Variants in DPP3 observed in about 807,000 individuals in gnomAD.
DPP3 encodes the protein dipeptidyl peptidase 3, also known as DPP III.
DPP3 carries 64 observed loss-of-function variants against 89.8 expected under a neutral mutation model. The ratio of observed to expected loss-of-function variants is 0.71; its 90% CI spans 0.58 to 0.88. The LOEUF (loss-of-function observed/expected upper bound fraction) is 0.88, where lower values mean the gene tolerates loss of function less well. DPP3 is among the 40% of genes least tolerant of loss of function. The pLI, the probability that DPP3 is intolerant of heterozygous loss-of-function variation, is 0.00. For synonymous variants in DPP3, 377 were observed against 404.3 expected (o/e 0.93, Z 0.81); for missense variants, 835 against 972.5 (o/e 0.86, Z 1.88).
At chr11:66,506,710 G>A (rs1855811214) in intron 17 of DPP3, among the ~76,000 whole-genome samples, 1 of 152,088 alleles carries the variant, frequency 6.6e-6, no homozygotes, top group African/African-American at 2.4e-5. Flanking sequence ...TACCCACTGA[G>A]CTGGGTCCAC....
chr11:66,493,203 C>T lies in DPP3; in HGVS notation c.1296+24C>T, dbSNP rs199892198. 8.2e-5 allele frequency: 131 copies of T among 1,598,568 alleles called. 1 individual carries two copies. The highest frequency in any genetic ancestry group is 1.7e-4 in the Middle Eastern group (1 of 6,046). On this transcript the variant is annotated intron_variant, in intron 11 of 17. Transcript: ENST00000531863. Reference sequence around the variant, plus strand: ...AGGTGGGCGCCAGCAGTCGGAGGGTCGGGGCTGGGCCTCACCTTCCTCAGC... The same window carrying T: ...AGGTGGGCGCCAGCAGTCGGAGGGTTGGGGCTGGGCCTCACCTTCCTCAGC...
At chr11:66,491,466 G>A (rs888367581) in intron 7 of DPP3, 28 bp from the exon 8 acceptor site, 15 of 1,596,524 alleles carry the variant, frequency 9.4e-6, no homozygotes, top group African/African-American at 4.0e-5. Flanking sequence ...TGGGTGGCCC[G>A]AGGCTGACCG....
chr11:66,506,558 A>G (rs961493643), intron 17 of DPP3, among the ~76,000 whole-genome samples: 2 of 151,984 alleles, frequency 1.3e-5, no homozygotes, highest in South Asian at 2.1e-4. Flanking sequence ...CCCAGCCGGA[A>G]AAAGCATTTA....
chr11:66,497,014 G>A (rs113358424), intron 15 of DPP3, among the ~76,000 whole-genome samples: 24 of 152,290 alleles, frequency 1.6e-4, no homozygotes, highest in African/African-American at 5.3e-4. Flanking sequence ...GATCACAGTG[G>A]GTGACATGGG....
intron 2 of DPP3, among the ~76,000 whole-genome samples, chr11:66,483,413 A>G (rs1590730743): frequency 6.6e-6 from 1 of 152,226 alleles, no homozygotes; most frequent in South Asian, 2.1e-4. Context: ...TTTCTTTTTT[A>G]TAGAAATGAG....
chr11:66,493,886 G>A (rs1855462660), intron 12 of DPP3, among the ~76,000 whole-genome samples: 1 of 152,134 alleles, frequency 6.6e-6, no homozygotes, highest in African/African-American at 2.4e-5. Flanking sequence ...CCTGGATGTA[G>A]AGCCTGGATG....
At chr11:66,487,490 G>C in intron 5 of DPP3, 148 bp downstream of exon 5, 1 of 831,870 alleles carries the variant, frequency 1.2e-6, no homozygotes, top group Non-Finnish European at 1.9e-6. Context: ...CCAGGCTATA[G>C]AGCCTAATGA....
chr11:66,509,590 C>A lies in DPP3; in HGVS notation c.*339C>A. ...TGACAGCTAGGGTTCAAAACGTTCT[C>A]ACCAAATCCAATGCTCCTCACATAT... On this transcript the variant is annotated 3_prime_UTR_variant, in exon 18 of 18. Coordinates refer to ENST00000531863, the MANE Select transcript of DPP3 (RefSeq NM_130443.4). 1 of 676,822 alleles carries A rather than the reference C, an allele frequency of 1.5e-6. No homozygotes were observed. Among genetic ancestry groups the A allele is most frequent in the Non-Finnish European group, 2.7e-6 (1 of 374,442 alleles). The allele number at this position is 676,822 out of a possible 1,614,324, so 41.9% of individuals were successfully genotyped here.
chr11:66,483,980 C>A (rs1402511619), intron 2 of DPP3, among the ~76,000 whole-genome samples: 1 of 146,512 alleles, frequency 6.8e-6, no homozygotes, highest in East Asian at 2.0e-4. Flanking sequence ...CAGGGAAATT[C>A]TTTTTTTTTT....
In DPP3 at chr11:66,491,739, C is replaced by T. The variant is rs371241781; in HGVS notation, c.971C>T (p.Ser324Phe). The T allele has an allele frequency of 2.5e-6, 4 of 1,612,750 alleles. No individual in the cohort carries two copies. Among genetic ancestry groups the T allele is most frequent in the African/African-American group, 1.3e-5 (1 of 74,642 alleles). Reference protein sequence around the residue: ...FIESYRDPFGSRGEFEGFVAV... With the variant: ...FIESYRDPFGFRGEFEGFVAV... ...GAGAGCTACCGCGACCCCTTTGGTT[C>T]CCGAGGAGAATTTGAAGGTAACTTC... Residue 324 changes from serine to phenylalanine, a missense_variant, in exon 9 of 18, where the codon TCC becomes TTC. Coordinates refer to ENST00000531863, the MANE Select transcript of DPP3 (RefSeq NM_130443.4).
intron 2 of DPP3, 73 bp from the exon 3 acceptor site, chr11:66,485,100 A>G (rs991251427): frequency 9.9e-6 from 14 of 1,412,360 alleles, no homozygotes; most frequent in East Asian, 6.8e-5. Context: ...GGGCATTCGC[A>G]TCTCAGGAGG....
Position 66,485,231 on chromosome 11 carries a change from G to C in DPP3, c.329G>C (p.Gly110Ala), listed in dbSNP as rs1855193535. 1.9e-6 allele frequency: 3 copies of C among 1,614,014 alleles called. No homozygotes were observed. The highest frequency in any genetic ancestry group is 2.5e-6 in the Non-Finnish European group (3 of 1,180,026). ...AACATGGGCAACTACAAGTCCTTTG[G>C]TGACACCAAGTTTGTTCCCAACTTG... ...YSNMGNYKSF[G>A]DTKFVPNLPK... Residue 110 changes from glycine to alanine, a missense_variant, in exon 3 of 18, where the codon GGT (glycine) becomes GCT (alanine). Coordinates refer to ENST00000531863, the MANE Select transcript of DPP3 (RefSeq NM_130443.4).
At chr11:66,486,415 T>G in intron 3 of DPP3, 125 bp from the exon 4 acceptor site, 1 of 1,238,750 alleles carries the variant, frequency 8.1e-7, no homozygotes, top group Non-Finnish European at 1.1e-6. Context: ...GTGCTGCTGG[T>G]CCATGGACCA....
At chr11:66,507,384 C>G (rs1163639634) in intron 17 of DPP3, among the ~76,000 whole-genome samples, 5 of 151,936 alleles carry the variant, frequency 3.3e-5, no homozygotes, top group African/African-American at 1.2e-4. Context: ...GGAGAATGAC[C>G]TGAACCCGGG....
rs754717783 is a variant in DPP3, at chr11:66,495,654, T to C, written c.1602T>C (p.Asp534=). 2 of 1,614,024 alleles carry C rather than the reference T, an allele frequency of 1.2e-6. No individual in the cohort carries two copies. The highest frequency in any genetic ancestry group is 2.2e-5 in the East Asian group (1 of 44,882). Residue 534 remains aspartate (D), a synonymous_variant, in exon 15 of 18, where the codon GAT becomes GAC. Coordinates refer to ENST00000531863, the MANE Select transcript of DPP3 (RefSeq NM_130443.4). The part of the protein sequence containing the change: ...VLEIFGFEGA[D]AEDVIYVNWL... ...GGATCTTTGGCTTTGAGGGGGCTGATGCGGAGGACGTGATCTACGTGAACT... is the reference window on the plus strand; with the variant it reads ...GGATCTTTGGCTTTGAGGGGGCTGACGCGGAGGACGTGATCTACGTGAACT...
chr11:66,503,919 G>A (rs1855739376), intron 16 of DPP3, among the ~76,000 whole-genome samples: 1 of 152,170 alleles, frequency 6.6e-6, no homozygotes, highest in Admixed American at 6.5e-5. Flanking sequence ...ATTTCTGGCA[G>A]TTCTGGAGGT....
chr11:66,503,427 G>T (rs1319426921), intron 16 of DPP3, among the ~76,000 whole-genome samples: 1 of 152,194 alleles, frequency 6.6e-6, no homozygotes, highest in Non-Finnish European at 1.5e-5. Flanking sequence ...AACACTATGA[G>T]AGAGTAGAAC....
rs1855369169 is a variant in DPP3, at chr11:66,491,046, G to A, written c.668-207G>A. On this transcript the variant is annotated intron_variant, in intron 6 of 17. Coordinates refer to ENST00000531863, the MANE Select transcript of DPP3 (RefSeq NM_130443.4). ...AGCCTCCCAAAGTGCTGGGATTACAGGCGTAAGCCACCATGCCCGGCTGAT... is the reference window on the plus strand; with the variant it reads ...AGCCTCCCAAAGTGCTGGGATTACAAGCGTAAGCCACCATGCCCGGCTGAT... 2.0e-5 allele frequency among the ~76,000 whole-genome samples: 3 copies of A among 152,170 alleles called. No homozygotes were observed. The South Asian group carries it at 6.2e-4, about 31-fold the overall frequency.
Position 66,497,299 on chromosome 11 carries a change from C to T in DPP3, c.1700C>T (p.Ala567Val). ...YTPEAFNWRQ[A>V]HMQARFVILR... is the part of the protein sequence containing the mutation. ...GCTGTCTTTCCCCTGCTCCGGCAGG[C>T]CCATATGCAGGCCCGGTTTGTGATC... is the stretch of plus-strand genomic sequence containing the variant. Residue 567 changes from alanine (A) to valine (V), a missense_variant and splice_region_variant, in exon 16 of 18, where the codon GCC (alanine) becomes GTC (valine). By Grantham distance (64) the Ala-to-Val change is moderately conservative. Coordinates refer to ENST00000531863, the MANE Select transcript of DPP3 (RefSeq NM_130443.4). 6.2e-7 allele frequency: 1 copy of T among 1,613,214 alleles called. No homozygotes were observed.
Sources: gnomAD v4.1 joint callset for allele counts (sites outside exome capture counted in the v4.1 genomes callset) on GRCh38, gnomAD v4.1.1 for gene constraint, MANE v1.5 for transcripts, NCBI Gene and HGNC (gene_info 2026-07-23, HGNC 2026-07-21) for gene names.